SCGN: variants seen among roughly 807,000 people sequenced by gnomAD.
SCGN encodes secretagogin, EF-hand calcium binding protein.
SCGN carries 30 observed loss-of-function variants against 39.7 expected under a neutral mutation model. That is an observed-to-expected ratio of 0.76 (90% CI 0.57 to 1.03). The LOEUF is 1.03. Among genes scored for constraint, SCGN ranks in the 50% least tolerant of loss-of-function variants. SCGN has a pLI of 0.00. For missense variants in SCGN, 353 were observed against 349.4 expected, an observed-to-expected ratio of 1.01 and a Z score of -0.08; for synonymous variants, 106 against 114.1, an observed-to-expected ratio of 0.93 and a Z score of 0.45.
intron 3 of SCGN, among the ~76,000 whole-genome samples, chr6:25,664,300 C>T (rs879879211): frequency 6.6e-6 from 1 of 152,196 alleles, no homozygotes; most frequent in Non-Finnish European, 1.5e-5. Flanking sequence ...CCTGCTTTTG[C>T]ACTGAAATAT....
chr6:25,678,651 C>A (rs1216898056), intron 6 of SCGN: 1 of 152,276 alleles, frequency 6.6e-6, no homozygotes, highest in Non-Finnish European at 1.5e-5. Context: ...CAACAGGACA[C>A]CCAACCTCAA....
At chr6:25,675,906 T>C (rs1274602261) in intron 6 of SCGN, among the ~76,000 whole-genome samples, 1 of 152,230 alleles carries the variant, frequency 6.6e-6, no homozygotes, top group African/African-American at 2.4e-5. Context: ...TATGTCTGAT[T>C]CAGACCACTT....
intron 10 of SCGN, among the ~76,000 whole-genome samples, chr6:25,695,313 T>A (rs921394419): frequency 3.3e-5 from 5 of 152,200 alleles, no homozygotes; most frequent in African/African-American, 1.2e-4. Flanking sequence ...GAGGTAAGTA[T>A]ACATCCATGA....
At chr6:25,696,284 T>C (rs916261037) in intron 10 of SCGN, among the ~76,000 whole-genome samples, 4 of 152,178 alleles carry the variant, frequency 2.6e-5, no homozygotes, top group African/African-American at 9.7e-5. Flanking sequence ...ACCTCTATGT[T>C]CTAACAGACT....
At chr6:25,696,154 A>G (rs1485605643) in intron 10 of SCGN, among the ~76,000 whole-genome samples, 1 of 152,352 alleles carries the variant, frequency 6.6e-6, no homozygotes, top group East Asian at 1.9e-4. Context: ...TGAATCTAAC[A>G]TGTGCCTCTC....
In SCGN at chr6:25,657,680, C is replaced by T. The variant is rs567058361; in HGVS notation, c.154-3872C>T. On this transcript the variant is annotated intron_variant, in intron 2 of 10. Coordinates refer to ENST00000377961, the MANE Select transcript of SCGN (RefSeq NM_006998.4). ...ATATATATATATAATATATATATTA[C>T]GTGTATATATATATGTGTATGTGTG... Among the ~76,000 whole-genome samples, 39 of 148,462 alleles carry T rather than the reference C, an allele frequency of 2.6e-4. 1 individual carries two copies. In the Middle Eastern group the frequency reaches 0.011, roughly 41 times the overall value.
At chr6:25,672,017 G>A (rs924279690) in intron 6 of SCGN, among the ~76,000 whole-genome samples, 1 of 152,134 alleles carries the variant, frequency 6.6e-6, no homozygotes, top group Non-Finnish European at 1.5e-5. Context: ...AACCACTAAG[G>A]TTTTACTTCT....
chr6:25,654,385 A>T (rs1443475890), intron 2 of SCGN, among the ~76,000 whole-genome samples: 1 of 152,200 alleles, frequency 6.6e-6, no homozygotes, highest in Non-Finnish European at 1.5e-5. Context: ...TCAGCCACAC[A>T]GATCTCTTGG....
At chr6:25,681,291 A>T (rs1466812695) in intron 6 of SCGN, among the ~76,000 whole-genome samples, 1 of 152,246 alleles carries the variant, frequency 6.6e-6, no homozygotes, top group Non-Finnish European at 1.5e-5. Flanking sequence ...CCTATACCCT[A>T]TGAGAGTACC....
intron 3 of SCGN, among the ~76,000 whole-genome samples, chr6:25,661,940 T>G (rs1190684896): frequency 2.0e-5 from 3 of 152,224 alleles, no homozygotes; most frequent in Non-Finnish European, 4.4e-5. Context: ...GCCTTTCAAT[T>G]ACTTGATCTA....
intron 6 of SCGN, among the ~76,000 whole-genome samples, chr6:25,671,840 T>A (rs1351931226): frequency 1.3e-5 from 2 of 152,252 alleles, no homozygotes; most frequent in Non-Finnish European, 2.9e-5. Flanking sequence ...TAACATTGAT[T>A]TAACAGAATG....
Position 25,664,975 on chromosome 6 carries a change from C to T in SCGN, c.279C>T (p.Asn93=). The change falls in exon 4 of 11, where the codon AAC becomes AAT. Residue 93 remains asparagine (N), a synonymous_variant. Transcript: ENST00000377961. ...LAGMFLSEDE[N]FLLLFRRENP... is the part of the protein sequence containing the mutation. ...GTATGTTCTTATCTGAGGATGAAAA[C>T]TTTCTTCTGCTCTTTCGCCGGGAAA... 6.2e-7 allele frequency: 1 copy of T among 1,614,000 alleles called. No individual in the cohort carries two copies. Among genetic ancestry groups the T allele is most frequent in the Non-Finnish European group, 8.5e-7 (1 of 1,179,932 alleles).
At chr6:25,670,539 T>G (rs1341027054) in intron 6 of SCGN, among the ~76,000 whole-genome samples, 1 of 152,220 alleles carries the variant, frequency 6.6e-6, no homozygotes, top group East Asian at 1.9e-4. Context: ...TTACTAGCTA[T>G]GATGTAAGAA....
chr6:25,668,206 A>C (rs1431531003), intron 4 of SCGN, among the ~76,000 whole-genome samples: 1 of 132,238 alleles, frequency 7.6e-6, no homozygotes, highest in Non-Finnish European at 1.6e-5. Flanking sequence ...ATCTAAGAAA[A>C]ATCTGTCAGT....
intron 5 of SCGN, 94 bp downstream of exon 5, chr6:25,669,661 G>A: frequency 9.7e-7 from 1 of 1,029,040 alleles, no homozygotes; most frequent in Admixed American, 1.8e-5. Context: ...CAAGAAAGAT[G>A]TATTTGAATA....
chr6:25,678,481 C>A (rs183301378), intron 6 of SCGN, among the ~76,000 whole-genome samples: 30 of 152,284 alleles, frequency 2.0e-4, no homozygotes, highest in African/African-American at 6.5e-4. Flanking sequence ...TCCCTGCCCT[C>A]ATGGAGTTTG....
At chr6:25,691,488 G>T (rs903453259) in intron 10 of SCGN, among the ~76,000 whole-genome samples, 1 of 151,978 alleles carries the variant, frequency 6.6e-6, no homozygotes, top group Non-Finnish European at 1.5e-5. Flanking sequence ...TGAATTTCAC[G>T]TAATAAAACT....
intron 6 of SCGN, among the ~76,000 whole-genome samples, chr6:25,672,723 A>T (rs1427920561): frequency 1.3e-5 from 2 of 152,150 alleles, no homozygotes; most frequent in African/African-American, 4.8e-5. Context: ...GATGCAGAGG[A>T]TGTCAAGATT....
intron 2 of SCGN, among the ~76,000 whole-genome samples, chr6:25,654,011 G>A (rs542540508): frequency 2.6e-5 from 4 of 152,248 alleles, no homozygotes; most frequent in African/African-American, 9.6e-5. Context: ...CCATCTGATG[G>A]TAAATATGTC....
Sources: gnomAD v4.1 joint callset for allele counts (sites outside exome capture counted in the v4.1 genomes callset) on GRCh38, gnomAD v4.1.1 for gene constraint, MANE v1.5 for transcripts, NCBI Gene and HGNC (gene_info 2026-07-23, HGNC 2026-07-21) for gene names.